The following CSMD1 variants were observed in gnomAD, a reference collection of about 807,000 sequenced individuals.
The protein encoded by CSMD1 is CUB and sushi domain-containing protein 1.
In CSMD1, 213 loss-of-function variants were observed where a neutral mutation model predicts 417.5. The observed-to-expected ratio is 0.51, with a 90% CI of 0.46 to 0.57. CSMD1 has a LOEUF of 0.57. Ranked by LOEUF, CSMD1 falls within the 20% of genes least tolerant of loss-of-function variation. The probability of loss-of-function intolerance (pLI) is 0.00; values close to 1 mark genes in which losing one functional copy is unlikely to be tolerated. For missense variants in CSMD1, 6,923 were observed against 4,529.7 expected, an observed-to-expected ratio of 1.53 and a Z score of -15.17; for synonymous variants, 2,862 against 1,736.8, an observed-to-expected ratio of 1.65 and a Z score of -16.11.
intron 26 of CSMD1, among the ~76,000 whole-genome samples, chr8:3,262,307 G>C (rs1801140835): frequency 6.8e-6 from 1 of 146,836 alleles, no homozygotes; most frequent in Non-Finnish European, 1.5e-5. Context: ...ATGTATTTCT[G>C]AATGTACCTT....
At chr8:4,433,866 AG>A (rs1798005333) in intron 2 of CSMD1, among the ~76,000 whole-genome samples, 1 of 152,170 alleles carries the variant, frequency 6.6e-6, no homozygotes, top group Non-Finnish European at 1.5e-5. Flanking sequence ...TAAAGCACAC[AG>A]GCACAGCCCC....
chr8:3,054,040 G>C (rs191112834), intron 49 of CSMD1, among the ~76,000 whole-genome samples: 4 of 152,236 alleles, frequency 2.6e-5, no homozygotes, highest in Middle Eastern at 3.4e-3. Context: ...ACTAACCTAA[G>C]GTGACACAAT....
intron 23 of CSMD1, among the ~76,000 whole-genome samples, chr8:3,332,410 A>T (rs1806963890): frequency 6.6e-6 from 1 of 152,220 alleles, no homozygotes; most frequent in Non-Finnish European, 1.5e-5. Context: ...GGCCTGAATT[A>T]GCTGGGAAGA....
At chr8:4,275,567 C>A (rs971160447) in intron 3 of CSMD1, among the ~76,000 whole-genome samples, 1 of 152,024 alleles carries the variant, frequency 6.6e-6, no homozygotes, top group African/African-American at 2.4e-5. Flanking sequence ...CTGAGTGTTC[C>A]TAAAATTGGC....
intron 1 of CSMD1, among the ~76,000 whole-genome samples, chr8:4,710,841 T>A (rs1188077717): frequency 6.6e-6 from 1 of 151,034 alleles, no homozygotes; most frequent in African/African-American, 2.4e-5. Flanking sequence ...TAAGACTCTG[T>A]CTCAAAAATA....
intron 2 of CSMD1, among the ~76,000 whole-genome samples, chr8:4,468,193 G>T (rs887632626): frequency 2.0e-5 from 3 of 152,182 alleles, no homozygotes; most frequent in South Asian, 2.1e-4. Context: ...CGCTGTGTAA[G>T]TTGAGAAAGC....
chr8:4,407,829 G>T (rs1263832603), intron 3 of CSMD1, among the ~76,000 whole-genome samples: 3 of 152,122 alleles, frequency 2.0e-5, no homozygotes, highest in African/African-American at 7.2e-5. Context: ...GAACAAGTGT[G>T]AAAGTCTTAA....
intron 2 of CSMD1, among the ~76,000 whole-genome samples, chr8:4,463,347 G>A (rs544510976): frequency 2.0e-5 from 3 of 152,254 alleles, no homozygotes; most frequent in African/African-American, 7.2e-5. Context: ...AATATAGAAT[G>A]GTGCGTCTAT....
intron 3 of CSMD1, among the ~76,000 whole-genome samples, chr8:4,043,852 T>G (rs1355886431): frequency 6.6e-6 from 1 of 152,132 alleles, no homozygotes; most frequent in Non-Finnish European, 1.5e-5. Flanking sequence ...CATACAAAAA[T>G]GATGAGACAC....
At chr8:4,822,802 T>A (rs965650467) in intron 1 of CSMD1, among the ~76,000 whole-genome samples, 1 of 152,118 alleles carries the variant, frequency 6.6e-6, no homozygotes. Flanking sequence ...TAGAAAATAT[T>A]TCTTGGTTTG....
intron 12 of CSMD1, among the ~76,000 whole-genome samples, chr8:3,468,098 T>C (rs949341172): frequency 4.6e-5 from 7 of 152,120 alleles, no homozygotes; most frequent in Non-Finnish European, 7.4e-5. Flanking sequence ...ATATAGACAA[T>C]CAGAAATACT....
chr8:4,659,469 G>A (rs1804447082), intron 1 of CSMD1, among the ~76,000 whole-genome samples: 1 of 152,140 alleles, frequency 6.6e-6, no homozygotes. Context: ...ACAAATGAAG[G>A]AAGTACTGAC....
intron 12 of CSMD1, among the ~76,000 whole-genome samples, chr8:3,441,510 T>TATATATATATATATATATATATATACAC (rs1369666489): frequency 1.4e-5 from 2 of 147,086 alleles, no homozygotes; most frequent in African/African-American, 5.0e-5. Flanking sequence ...TATATATATA[T>TATATATATATATATATATATATATACAC]ACACACACAC....
At chr8:3,746,769 A>C (rs973648515) in intron 6 of CSMD1, among the ~76,000 whole-genome samples, 1 of 152,216 alleles carries the variant, frequency 6.6e-6, no homozygotes, top group Non-Finnish European at 1.5e-5. Context: ...TTCAGAATGA[A>C]CTTTTACATT....
At chr8:3,698,432 T>C (rs1800674292) in intron 7 of CSMD1, among the ~76,000 whole-genome samples, 1 of 152,208 alleles carries the variant, frequency 6.6e-6, no homozygotes, top group South Asian at 2.1e-4. Context: ...TTTATACTAC[T>C]GTTAGAGGTT....
At chr8:3,284,046 T>G in intron 26 of CSMD1, 98 bp downstream of exon 26, 1 of 987,090 alleles carries the variant, frequency 1.0e-6, no homozygotes, top group Non-Finnish European at 1.5e-6. Context: ...AAATTGCATC[T>G]GTGTAAGGAG....
intron 5 of CSMD1, among the ~76,000 whole-genome samples, chr8:3,984,915 A>T (rs1814203742): frequency 6.6e-6 from 1 of 151,866 alleles, no homozygotes; most frequent in African/African-American, 2.4e-5. Flanking sequence ...TTCAAGCTTC[A>T]TTGTAGTTCA....
rs375783144 is a variant in CSMD1 at position 3,681,812 on chromosome 8, C to A, written c.1009+26602G>T. Among the ~76,000 whole-genome samples the A allele has an allele frequency of 4.3e-4, 66 of 152,136 alleles. No homozygotes were observed. The East Asian group carries it at 7.6e-3, about 17-fold the overall frequency. On this transcript the variant is annotated intron_variant, in intron 7 of 69. Transcript: ENST00000635120. ...ACTATACTACAAGGCTACAGTAACC[C>A]AAACAGCATGGTACTGGTACCAAAA... is the stretch of plus-strand genomic sequence containing the variant.
intron 3 of CSMD1, among the ~76,000 whole-genome samples, chr8:4,285,163 C>G (rs1421838440): frequency 2.0e-5 from 3 of 152,180 alleles, no homozygotes; most frequent in Admixed American, 1.3e-4. Context: ...ACAAGTTTTA[C>G]TCCATGAATT....
Sources: allele counts gnomAD v4.1 joint callset (sites outside exome capture counted in the v4.1 genomes callset), GRCh38; gene constraint gnomAD v4.1.1; transcripts MANE v1.5; gene names NCBI Gene and HGNC (gene_info 2026-07-23, HGNC 2026-07-21).